Variants in NBDY observed in about 807,000 individuals in gnomAD.
The protein encoded by NBDY is negative regulator of P-body association, also known as P-body dissociating protein.
chrX:56,796,310 C>A (rs1358963239), intron 2 of NBDY, among the ~76,000 whole-genome samples: 1 of 112,234 alleles, frequency 8.9e-6, no homozygotes, highest in African/African-American at 3.2e-5. Context: ...GGGCTGCCAG[C>A]TGCCCACCTG....
chrX:56,766,029 T>C (rs1421956016), intron 2 of NBDY, among the ~76,000 whole-genome samples: 1 of 111,738 alleles, frequency 8.9e-6, no homozygotes, highest in Non-Finnish European at 1.9e-5. Flanking sequence ...GTTTAGTCCC[T>C]CTGGTCCACC....
intron 2 of NBDY, among the ~76,000 whole-genome samples, chrX:56,807,835 A>T (rs2069861219): frequency 8.9e-6 from 1 of 112,148 alleles, no homozygotes; most frequent in Admixed American, 9.4e-5. Context: ...TGCCCTGGCC[A>T]GAACTTCCAA....
intron 2 of NBDY, among the ~76,000 whole-genome samples, chrX:56,761,912 G>A (rs1342663111): frequency 8.9e-6 from 1 of 111,904 alleles, no homozygotes; most frequent in Middle Eastern, 4.3e-3. Flanking sequence ...CATTTCTGGG[G>A]TCCTACCCTT....
At chrX:56,797,594 C>T (rs971024976) in intron 2 of NBDY, among the ~76,000 whole-genome samples, 4 of 111,234 alleles carry the variant, frequency 3.6e-5, no homozygotes, top group Admixed American at 2.9e-4. Context: ...TATAGCCCAC[C>T]ATTCTTTCCT....
chrX:56,788,610 A>C (rs1602662709), intron 2 of NBDY, among the ~76,000 whole-genome samples: 1 of 108,256 alleles, frequency 9.2e-6, no homozygotes, highest in African/African-American at 3.4e-5. Context: ...AGCACCCCGT[A>C]GCTCCTTTTT....
intron 2 of NBDY, among the ~76,000 whole-genome samples, chrX:56,763,825 T>G (rs991503414): frequency 8.9e-6 from 1 of 112,647 alleles, no homozygotes. Context: ...TCTGTCTTTT[T>G]TTTTGTTTCT....
At chrX:56,750,400 G>T (rs1389681089) in intron 2 of NBDY, among the ~76,000 whole-genome samples, 3 of 110,595 alleles carry the variant, frequency 2.7e-5, no homozygotes, top group African/African-American at 9.9e-5. Context: ...AAATTGAGTG[G>T]TTCCTGAATC....
intron 2 of NBDY, chrX:56,811,284 G>A (rs2069884959): frequency 8.9e-6 from 1 of 112,011 alleles, no homozygotes; most frequent in African/African-American, 3.3e-5. Context: ...CAAACGCTGT[G>A]GTGGGAGATC....
chrX:56,795,663 T>G (rs2069788061), intron 2 of NBDY, among the ~76,000 whole-genome samples: 1 of 112,117 alleles, frequency 8.9e-6, no homozygotes, highest in Admixed American at 9.4e-5. Context: ...AACGTCAATC[T>G]CGTGTATGGG....
At chrX:56,767,348 G>A (rs948230029) in intron 2 of NBDY, among the ~76,000 whole-genome samples, 1 of 113,109 alleles carries the variant, frequency 8.8e-6, no homozygotes, top group Non-Finnish European at 1.9e-5. Flanking sequence ...GGCAGCCCTC[G>A]CTCGCTCTCG....
intron 2 of NBDY, among the ~76,000 whole-genome samples, chrX:56,750,270 C>T (rs1247672603): frequency 5.4e-5 from 6 of 111,358 alleles, no homozygotes; most frequent in Admixed American, 3.8e-4. Flanking sequence ...CCTTCTGCAA[C>T]GTTTAAAATT....
At chrX:56,797,605 G>A (rs1431744985) in intron 2 of NBDY, among the ~76,000 whole-genome samples, 2 of 111,145 alleles carry the variant, frequency 1.8e-5, no homozygotes, top group African/African-American at 6.6e-5. Flanking sequence ...ATTCTTTCCT[G>A]TTCTCCTTGT....
intron 2 of NBDY, among the ~76,000 whole-genome samples, chrX:56,803,891 AC>A (rs1234162369): frequency 2.7e-5 from 3 of 112,213 alleles, no homozygotes; most frequent in Non-Finnish European, 1.9e-5. Flanking sequence ...CTCCCCACCT[AC>A]ATGGTCTCTT....
chrX:56,798,274 C>G (rs979763723), intron 2 of NBDY, among the ~76,000 whole-genome samples: 3 of 112,118 alleles, frequency 2.7e-5, no homozygotes, highest in African/African-American at 9.7e-5. Context: ...AAAACAGACT[C>G]CCCTTTCAGA....
chrX:56,799,004 T>G (rs1432765403), intron 2 of NBDY, among the ~76,000 whole-genome samples: 1 of 112,499 alleles, frequency 8.9e-6, no homozygotes, highest in African/African-American at 3.2e-5. Context: ...GGAAATTGTT[T>G]CTGGAAATGG....
chrX:56,809,380 G>T (rs1217148649), intron 2 of NBDY, among the ~76,000 whole-genome samples: 1 of 111,720 alleles, frequency 9.0e-6, no homozygotes, highest in Non-Finnish European at 1.9e-5. Context: ...CTGTTTTTGT[G>T]TGGGAATGTA....
intron 2 of NBDY, among the ~76,000 whole-genome samples, chrX:56,782,317 C>T (rs2069697635): frequency 9.0e-6 from 1 of 110,666 alleles, no homozygotes; most frequent in South Asian, 3.9e-4. Context: ...CCTCCTCCTC[C>T]TTCTTCTTTC....
At chrX:56,800,923 T>A (rs141973608) in intron 2 of NBDY, among the ~76,000 whole-genome samples, 1 of 110,811 alleles carries the variant, frequency 9.0e-6, no homozygotes, top group African/African-American at 3.3e-5. Flanking sequence ...CTCCTTTCTC[T>A]GGTATCCATT....
At position 56,785,083 on chromosome X, in the gene NBDY, T is replaced by C. The variant is rs936304014; in HGVS notation, c.*167-32237T>C. On this transcript the variant is annotated intron_variant, in intron 2 of 2. Coordinates refer to ENST00000374922, the MANE Select transcript of NBDY (RefSeq NM_001348129.2). ...GTAATGATTCTCACACTCATGAGAGTGTGAACCACTCTCACAAGAGGAACA... is the reference window on the plus strand; with the variant it reads ...GTAATGATTCTCACACTCATGAGAGCGTGAACCACTCTCACAAGAGGAACA... Among the ~76,000 whole-genome samples the C allele has an allele frequency of 3.6e-5, 4 of 110,772 alleles. No homozygotes were observed. In the South Asian group the frequency reaches 1.2e-3, roughly 32 times the overall value.
Sources: gnomAD v4.1 joint callset for allele counts (sites outside exome capture counted in the v4.1 genomes callset) on GRCh38, gnomAD v4.1.1 for gene constraint, MANE v1.5 for transcripts, NCBI Gene and HGNC (gene_info 2026-07-23, HGNC 2026-07-21) for gene names.